Variants in TMTC1 observed in about 807,000 individuals in gnomAD.
TMTC1 encodes transmembrane O-mannosyltransferase targeting cadherins 1.
Under a neutral mutation model 104.8 loss-of-function variants are expected in TMTC1, and 73 were observed. That is an observed-to-expected ratio of 0.70 (90% CI 0.58 to 0.85). The LOEUF (loss-of-function observed/expected upper bound fraction) is 0.85. Among genes scored for constraint, TMTC1 ranks in the 40% least tolerant of loss-of-function variants. The probability of loss-of-function intolerance (pLI) is 0.00; values close to 1 mark genes in which losing one functional copy is unlikely to be tolerated. For missense variants in TMTC1, 1,035 were observed against 1,096.1 expected (o/e 0.94, Z 0.79); for synonymous variants, 434 against 428.7 (o/e 1.01, Z -0.15).
intron 8 of TMTC1, among the ~76,000 whole-genome samples, chr12:29,582,600 C>T (rs1459603943): frequency 1.3e-5 from 2 of 152,190 alleles, no homozygotes; most frequent in Admixed American, 1.3e-4. Flanking sequence ...GTGCCGGGTT[C>T]TTCACTTCCC....
intron 11 of TMTC1, among the ~76,000 whole-genome samples, chr12:29,521,337 A>G (rs11050266): frequency 1.3e-5 from 2 of 152,078 alleles, no homozygotes; most frequent in African/African-American, 4.8e-5. Context: ...GCTACTTCCC[A>G]TACTCAGTCC....
intron 5 of TMTC1, among the ~76,000 whole-genome samples, chr12:29,651,302 T>C (rs906406844): frequency 6.6e-6 from 1 of 152,212 alleles, no homozygotes; most frequent in Non-Finnish European, 1.5e-5. Context: ...ACTGGCACTA[T>C]AGTTGGGACT....
intron 5 of TMTC1, among the ~76,000 whole-genome samples, chr12:29,749,555 T>C (rs977012238): frequency 3.9e-5 from 6 of 152,142 alleles, no homozygotes; most frequent in African/African-American, 1.4e-4. Flanking sequence ...TTAGCCTCCA[T>C]TTAAAAAATT....
At chr12:29,639,223 A>C (rs1348700697) in intron 5 of TMTC1, among the ~76,000 whole-genome samples, 4 of 152,214 alleles carry the variant, frequency 2.6e-5, no homozygotes, top group Non-Finnish European at 5.9e-5. Context: ...ACAGTGTAAT[A>C]TTAATATCAA....
intron 12 of TMTC1, chr12:29,519,763 T>C (rs2136154792): frequency 6.6e-6 from 1 of 152,294 alleles, no homozygotes; most frequent in Non-Finnish European, 1.5e-5. Flanking sequence ...TTTATTATTA[T>C]GTGGCCAATG....
chr12:29,634,725 C>A (rs1268338384), intron 5 of TMTC1, among the ~76,000 whole-genome samples: 1 of 152,190 alleles, frequency 6.6e-6, no homozygotes, highest in Admixed American at 6.5e-5. Context: ...CAGAAGGAAA[C>A]AGATGAACAC....
chr12:29,568,988 C>T, intron 9 of TMTC1: 1 of 455,938 alleles, frequency 2.2e-6, no homozygotes, highest in Non-Finnish European at 4.4e-6. Flanking sequence ...ATTATTACTG[C>T]AGGAGTAATA....
intron 5 of TMTC1, among the ~76,000 whole-genome samples, chr12:29,637,091 C>A (rs1344431935): frequency 0.1 from 7,287 of 70,704 alleles, 621 homozygotes; most frequent in African/African-American, 0.22. Flanking sequence ...GAGAAACACA[C>A]ACACACACAC....
At chr12:29,597,026 T>G (rs1487132342) in intron 7 of TMTC1, among the ~76,000 whole-genome samples, 1 of 152,156 alleles carries the variant, frequency 6.6e-6, no homozygotes, top group African/African-American at 2.4e-5. Context: ...TGACTTTCTG[T>G]GTACAGGCTA....
chr12:29,649,397 A>G (rs112516192), intron 5 of TMTC1, among the ~76,000 whole-genome samples: 2,296 of 152,340 alleles, frequency 0.015, 56 homozygotes, highest in African/African-American at 0.053. Flanking sequence ...ACATAAATAC[A>G]GTCATTCAGA....
chr12:29,610,504 T>C (rs1216860131), intron 6 of TMTC1, among the ~76,000 whole-genome samples: 1 of 152,238 alleles, frequency 6.6e-6, no homozygotes, highest in East Asian at 1.9e-4. Flanking sequence ...CCACTTCTTA[T>C]GACTCAAACA....
intron 2 of TMTC1, among the ~76,000 whole-genome samples, chr12:29,759,409 A>C (rs1220960871): frequency 6.6e-6 from 1 of 152,138 alleles, no homozygotes; most frequent in East Asian, 1.9e-4. Context: ...AGGTGGGAGG[A>C]CTGCTTGAGC....
chr12:29,654,264 C>T (rs1939652843), intron 5 of TMTC1, among the ~76,000 whole-genome samples: 1 of 151,894 alleles, frequency 6.6e-6, no homozygotes, highest in Non-Finnish European at 1.5e-5. Flanking sequence ...GACAAACAAC[C>T]CAATTAAAAA....
intron 5 of TMTC1, among the ~76,000 whole-genome samples, chr12:29,708,168 T>C (rs546180071): frequency 6.6e-6 from 1 of 152,136 alleles, no homozygotes; most frequent in East Asian, 1.9e-4. Flanking sequence ...ATACAGAAAA[T>C]GTGATAACAG....
rs1344941179 is a variant in TMTC1 at position 29,597,079 on chromosome 12, C to G, written c.1250+7099G>C. The stretch of plus-strand genomic sequence containing the variant: ...AGGGACTGCTGCCTCTCTTGGCAAG[C>G]CATCCGCAGTATCATCTCTTGAAGA... On this transcript the variant is annotated intron_variant, in intron 7 of 17. Coordinates refer to ENST00000539277, the MANE Select transcript of TMTC1 (RefSeq NM_001193451.2). 3.3e-5 allele frequency among the ~76,000 whole-genome samples: 5 copies of G among 152,272 alleles called. No homozygotes were observed. In the South Asian group the frequency reaches 1.0e-3, roughly 32 times the overall value.
chr12:29,508,821 G>A (rs1254122041), intron 17 of TMTC1, among the ~76,000 whole-genome samples: 1 of 152,020 alleles, frequency 6.6e-6, no homozygotes, highest in Non-Finnish European at 1.5e-5. Flanking sequence ...CAGGTGATCT[G>A]CCTGCCTCGG....
At chr12:29,516,701 CAGAAACACTAAATATAT>C (rs1216682057) in intron 14 of TMTC1, among the ~76,000 whole-genome samples, 1 of 152,052 alleles carries the variant, frequency 6.6e-6, no homozygotes, top group East Asian at 1.9e-4. Flanking sequence ...GAGTGAGTGG[CAGAAACACTAAATATAT>C]CCAGTGAAAT....
At chr12:29,610,075 G>C (rs1286848233) in intron 6 of TMTC1, 2 of 152,206 alleles carry the variant, frequency 1.3e-5, no homozygotes, top group African/African-American at 4.8e-5. Flanking sequence ...CACATCACCG[G>C]AAATGGTCCT....
chr12:29,541,835 T>G (rs956749057), intron 10 of TMTC1, among the ~76,000 whole-genome samples: 2 of 152,020 alleles, frequency 1.3e-5, no homozygotes, highest in African/African-American at 4.8e-5. Flanking sequence ...ACTTTTGTAT[T>G]TTTAGGAGAG....
Sources: allele counts gnomAD v4.1 joint callset (sites outside exome capture counted in the v4.1 genomes callset), GRCh38; gene constraint gnomAD v4.1.1; transcripts MANE v1.5; gene names NCBI Gene and HGNC (gene_info 2026-07-23, HGNC 2026-07-21).